The following ANKRD6 variants were observed in gnomAD, a reference collection of about 807,000 sequenced individuals.
The protein encoded by ANKRD6 is ankyrin repeat domain-containing protein 6.
ANKRD6 carries 56 observed loss-of-function variants against 82.3 expected under a neutral mutation model. That is an observed-to-expected ratio of 0.68 (90% CI 0.55 to 0.85). The LOEUF is 0.85. ANKRD6 is among the 40% of genes least tolerant of loss of function. The pLI is 0.00. For missense variants in ANKRD6, 852 were observed against 907.6 expected (o/e 0.94, Z 0.79); for synonymous variants, 347 against 352.1 (o/e 0.99, Z 0.16).
intron 1 of ANKRD6, among the ~76,000 whole-genome samples, chr6:89,534,634 T>G (rs1783605619): frequency 6.6e-6 from 1 of 152,198 alleles, no homozygotes; most frequent in Non-Finnish European, 1.5e-5. Flanking sequence ...ATGCAACAAA[T>G]ATTTATAAGT....
intron 13 of ANKRD6, among the ~76,000 whole-genome samples, chr6:89,625,283 G>GAA (rs879660007): frequency 1.4e-5 from 2 of 140,678 alleles, no homozygotes; most frequent in Non-Finnish European, 1.6e-5. Flanking sequence ...ACTCTGTCTA[G>GAA]AAAAAAAAAA....
intron 2 of ANKRD6, among the ~76,000 whole-genome samples, chr6:89,580,593 G>A (rs1792295044): frequency 6.6e-6 from 1 of 151,868 alleles, no homozygotes; most frequent in Non-Finnish European, 1.5e-5. Flanking sequence ...AGGCTCTCCT[G>A]CTGCCACTCG....
Position 89,632,092 on chromosome 6 carries a change from T to G in ANKRD6, c.*1088T>G, listed in dbSNP as rs1807512784. The G allele has an allele frequency of 6.6e-6, 1 of 152,226 alleles. No individual in the cohort carries two copies. Among genetic ancestry groups the G allele is most frequent in the African/African-American group, 2.4e-5 (1 of 41,464 alleles). The allele number at this position is 152,226 out of a possible 1,614,324, so 9.4% of individuals were successfully genotyped here. ...GATATGTTGAAACTTTGGACAAGCT[T>G]CTTGTCCTTTGGAATATGGGATTTA... On this transcript the variant is annotated 3_prime_UTR_variant, in exon 16 of 16. Transcript: ENST00000339746.
Position 89,460,716 on chromosome 6 carries a change from G to A in ANKRD6, c.-144+27341G>A, listed in dbSNP as rs985679540. On this transcript the variant is annotated intron_variant, in intron 1 of 15. Transcript: ENST00000339746. ...CTCCCAAAGTGCTGGGATTACAGGCGTGAGCACCCAGCCAATTTTCTTTTT... is the reference window on the plus strand; with the variant it reads ...CTCCCAAAGTGCTGGGATTACAGGCATGAGCACCCAGCCAATTTTCTTTTT... Among the ~76,000 whole-genome samples the A allele has an allele frequency of 2.7e-4, 41 of 151,986 alleles. 1 individual carries two copies. The highest frequency in any genetic ancestry group is 6.2e-4 in the South Asian group (3 of 4,816).
intron 1 of ANKRD6, among the ~76,000 whole-genome samples, chr6:89,440,258 TAC>T (rs1771202765): frequency 6.6e-6 from 1 of 152,240 alleles, no homozygotes; most frequent in South Asian, 2.1e-4. Flanking sequence ...CAAAGAACAG[TAC>T]ACTTTTAGAG....
intron 1 of ANKRD6, among the ~76,000 whole-genome samples, chr6:89,467,181 TAA>T (rs1156971474): frequency 7.0e-6 from 1 of 143,062 alleles, no homozygotes. Context: ...GTCTCCTAAT[TAA>T]AAAAAAAAAA....
At chr6:89,578,681 A>G (rs1791743031) in intron 2 of ANKRD6, among the ~76,000 whole-genome samples, 1 of 152,212 alleles carries the variant, frequency 6.6e-6, no homozygotes, top group Non-Finnish European at 1.5e-5. Context: ...AAGTTTAAAA[A>G]TATGTGTTGA....
chr6:89,633,810 T>G lies in ANKRD6; in HGVS notation c.*2806T>G, dbSNP rs958128217. 8.5e-5 allele frequency: 13 copies of G among 152,262 alleles called. No homozygotes were observed. The highest frequency in any genetic ancestry group is 1.8e-4 in the Non-Finnish European group (12 of 68,042). 9.4% of individuals were successfully genotyped at this position (152,262 alleles called of 1,614,324 possible). A position where few individuals can be genotyped will look rare whatever the true frequency, so the allele number is the denominator to read the frequency against. Reference sequence around the variant, plus strand: ...AAAGATACTATGGATCTTAAATTCCTTATTAAAAAAATGCAAGTGTGAATA... The same window carrying G: ...AAAGATACTATGGATCTTAAATTCCGTATTAAAAAAATGCAAGTGTGAATA... On this transcript the variant is annotated 3_prime_UTR_variant, in exon 16 of 16. Transcript: ENST00000339746.
chr6:89,612,574 C>T (rs1403440181), intron 6 of ANKRD6, among the ~76,000 whole-genome samples: 1 of 152,220 alleles, frequency 6.6e-6, no homozygotes, highest in African/African-American at 2.4e-5. Context: ...CTTGGAAATA[C>T]TGCTTTTCTC....
intron 5 of ANKRD6, among the ~76,000 whole-genome samples, chr6:89,607,607 A>G (rs115074232): frequency 6.6e-6 from 1 of 151,486 alleles, no homozygotes; most frequent in East Asian, 1.9e-4. Context: ...ACCTTTCCCA[A>G]ATTTTCCAGA....
chr6:89,444,528 G>A (rs975748554), intron 1 of ANKRD6, among the ~76,000 whole-genome samples: 4 of 152,136 alleles, frequency 2.6e-5, no homozygotes, highest in African/African-American at 9.7e-5. Context: ...GTTGCATTGG[G>A]TATAAGCCAG....
At chr6:89,490,106 T>C (rs1337572379) in intron 1 of ANKRD6, among the ~76,000 whole-genome samples, 1 of 152,236 alleles carries the variant, frequency 6.6e-6, no homozygotes, top group Non-Finnish European at 1.5e-5. Flanking sequence ...GGGCATTTTT[T>C]CCTTAGTTTT....
chr6:89,530,232 G>T (rs970942231), intron 1 of ANKRD6, among the ~76,000 whole-genome samples: 7 of 152,138 alleles, frequency 4.6e-5, no homozygotes, highest in African/African-American at 1.7e-4. Flanking sequence ...TCCAGCCTGG[G>T]CAACAGAGTG....
chr6:89,500,787 A>G (rs1582944396), intron 1 of ANKRD6, among the ~76,000 whole-genome samples: 1 of 152,188 alleles, frequency 6.6e-6, no homozygotes, highest in Admixed American at 6.5e-5. Context: ...GGCATTAATA[A>G]TAGATGAGCT....
intron 1 of ANKRD6, among the ~76,000 whole-genome samples, chr6:89,541,762 CTTGT>C (rs1171287482): frequency 1.3e-5 from 2 of 151,514 alleles, no homozygotes; most frequent in East Asian, 1.9e-4. Flanking sequence ...CATTACTGTA[CTTGT>C]TTGTCAGTTC....
intron 1 of ANKRD6, among the ~76,000 whole-genome samples, chr6:89,462,499 A>G (rs1774303492): frequency 1.3e-5 from 2 of 152,098 alleles, no homozygotes; most frequent in Non-Finnish European, 2.9e-5. Flanking sequence ...AGCACCTCCA[A>G]CTAGTAAATA....
chr6:89,560,498 G>A (rs1221796316), intron 1 of ANKRD6, among the ~76,000 whole-genome samples: 2 of 152,150 alleles, frequency 1.3e-5, no homozygotes, highest in Non-Finnish European at 2.9e-5. Flanking sequence ...ATTGGGGGAC[G>A]CAATTCAGTT....
chr6:89,462,233 A>AAATAATAAT (rs200608840), intron 1 of ANKRD6, among the ~76,000 whole-genome samples: 1,923 of 105,990 alleles, frequency 0.018, 21 homozygotes, highest in South Asian at 0.047. Context: ...CTCCATCTCA[A>AAATAATAAT]AATAATAATA....
chr6:89,625,645 A>G (rs1261021061), intron 13 of ANKRD6, among the ~76,000 whole-genome samples: 2 of 152,096 alleles, frequency 1.3e-5, no homozygotes, highest in Non-Finnish European at 2.9e-5. Context: ...AACACTTTCA[A>G]CTTCATAACA....
Sources: allele counts gnomAD v4.1 joint callset (sites outside exome capture counted in the v4.1 genomes callset), GRCh38; gene constraint gnomAD v4.1.1; transcripts MANE v1.5; gene names NCBI Gene and HGNC (gene_info 2026-07-23, HGNC 2026-07-21).